Variants in PRDM10 observed in about 807,000 individuals in gnomAD.
PRDM10 encodes the protein PR/SET domain 10.
In PRDM10, 65 loss-of-function variants were observed where a neutral mutation model predicts 133.1. The ratio of observed to expected loss-of-function variants is 0.49; its 90% CI spans 0.40 to 0.60. The LOEUF is 0.60. Ranked by LOEUF, PRDM10 falls within the 20% of genes least tolerant of loss-of-function variation. PRDM10 has a pLI of 0.00. For synonymous variants in PRDM10, 582 were observed against 580.4 expected (o/e 1.00, Z -0.04); for missense variants, 1,137 against 1,507.1 (o/e 0.75, Z 4.07).
chr11:129,994,465 CAAA>C (rs1187507792), intron 1 of PRDM10, among the ~76,000 whole-genome samples: 8 of 79,506 alleles, frequency 1.0e-4, no homozygotes, highest in Admixed American at 1.5e-4. Context: ...AACTCTGCCT[CAAA>C]AAAAAAAAAA....
At chr11:129,922,204 G>A (rs1950541083) in intron 13 of PRDM10, among the ~76,000 whole-genome samples, 2 of 152,282 alleles carry the variant, frequency 1.3e-5, no homozygotes, top group South Asian at 4.1e-4. Flanking sequence ...GAAAATGAAA[G>A]CAAGCAAAGA....
intron 14 of PRDM10, among the ~76,000 whole-genome samples, chr11:129,917,441 A>G (rs1393523946): frequency 6.6e-6 from 1 of 152,258 alleles, no homozygotes; most frequent in Non-Finnish European, 1.5e-5. Flanking sequence ...GGAGTTAACA[A>G]TAATTCACCA....
intron 16 of PRDM10, 76 bp from the exon 17 acceptor site, chr11:129,915,094 C>A: frequency 7.0e-7 from 1 of 1,433,728 alleles, no homozygotes; most frequent in Non-Finnish European, 9.4e-7. Context: ...GTAAATCCTC[C>A]AAAGATTCCT....
intron 12 of PRDM10, among the ~76,000 whole-genome samples, chr11:129,924,505 C>T (rs1307250486): frequency 6.6e-6 from 1 of 152,140 alleles, no homozygotes; most frequent in Non-Finnish European, 1.5e-5. Context: ...TTAAAGCAAG[C>T]AGGAAACCAC....
chr11:129,904,758 C>A (rs537328219), intron 20 of PRDM10, among the ~76,000 whole-genome samples: 2 of 152,192 alleles, frequency 1.3e-5, no homozygotes, highest in Non-Finnish European at 2.9e-5. Context: ...CCTTGGCCCC[C>A]CAAAGTGTTG....
chr11:129,977,829 AC>A (rs1235577774), intron 1 of PRDM10, among the ~76,000 whole-genome samples: 1 of 152,056 alleles, frequency 6.6e-6, no homozygotes, highest in Non-Finnish European at 1.5e-5. Context: ...GGTGGTGTGC[AC>A]CTGTTGTCCC....
At chr11:129,964,129 G>A (rs1951857403) in intron 1 of PRDM10, among the ~76,000 whole-genome samples, 1 of 152,194 alleles carries the variant, frequency 6.6e-6, no homozygotes, top group South Asian at 2.1e-4. Flanking sequence ...AGGAATTTGA[G>A]TGGCTTGTTT....
chr11:129,995,424 G>A (rs1055858623), intron 1 of PRDM10, among the ~76,000 whole-genome samples: 2 of 152,108 alleles, frequency 1.3e-5, no homozygotes, highest in South Asian at 2.1e-4. Context: ...AAGACTAAAC[G>A]TAAACAAGTG....
rs191937043 is a variant in PRDM10 at position 129,931,494 on chromosome 11, G to C, written c.1288-236C>G. Among the ~76,000 whole-genome samples the C allele has an allele frequency of 2.4e-3, 360 of 152,122 alleles. 1 individual carries two copies. Among genetic ancestry groups the C allele is most frequent in the Non-Finnish European group, 3.9e-3 (266 of 67,986 alleles). On this transcript the variant is annotated intron_variant, in intron 10 of 20. Transcript: ENST00000360871. ...TTCTGGAATATCAATAATTTTAATT[G>C]TTTAAACTAATTAAACAAAGTCCAC... is the stretch of plus-strand genomic sequence containing the variant.
intron 1 of PRDM10, among the ~76,000 whole-genome samples, chr11:129,968,849 C>T (rs142961538): frequency 1.1e-4 from 17 of 152,268 alleles, no homozygotes; most frequent in African/African-American, 3.4e-4. Flanking sequence ...ATGCACCCAT[C>T]GACACTGCAA....
At chr11:129,978,219 C>T (rs942544818) in intron 1 of PRDM10, among the ~76,000 whole-genome samples, 43 of 152,076 alleles carry the variant, frequency 2.8e-4, no homozygotes, top group African/African-American at 1.0e-3. Context: ...TCACATTGAC[C>T]AGTTGTTTCA....
At chr11:129,949,171 T>C (rs1487642439) in intron 4 of PRDM10, among the ~76,000 whole-genome samples, 1 of 152,196 alleles carries the variant, frequency 6.6e-6, no homozygotes, top group African/African-American at 2.4e-5. Context: ...CCATCTTGCC[T>C]CTCCAACTGC....
chr11:129,930,904 T>C (rs1950831826), intron 11 of PRDM10, 112 bp downstream of exon 11: 1 of 1,417,564 alleles, frequency 7.1e-7, no homozygotes, highest in Non-Finnish European at 9.5e-7. Flanking sequence ...TGTGACAGGC[T>C]AGATGCAAGA....
intron 20 of PRDM10, among the ~76,000 whole-genome samples, chr11:129,905,363 G>GAAA (rs57268294): frequency 0.19 from 12,823 of 69,216 alleles, 1,172 homozygotes; most frequent in Non-Finnish European, 0.27. Flanking sequence ...CTCTGTCTCA[G>GAAA]AAAAAAAAAA....
chr11:129,930,980 G>T, intron 11 of PRDM10, 36 bp downstream of exon 11: 1 of 1,562,884 alleles, frequency 6.4e-7, no homozygotes, highest in Non-Finnish European at 8.6e-7. Context: ...GAAGATGAGC[G>T]GCTGGTGCCA....
intron 4 of PRDM10, among the ~76,000 whole-genome samples, chr11:129,951,767 A>G (rs1192356094): frequency 6.6e-6 from 1 of 152,166 alleles, no homozygotes; most frequent in Admixed American, 6.5e-5. Context: ...GTGGGGAGTC[A>G]CACATGTTCA....
chr11:130,001,752 A>G (rs1939395171), intron 1 of PRDM10, among the ~76,000 whole-genome samples: 1 of 152,082 alleles, frequency 6.6e-6, no homozygotes, highest in South Asian at 2.1e-4. Context: ...TGCTTAACAA[A>G]AGCTGGCGAG....
At chr11:129,980,011 C>T (rs904046165) in intron 1 of PRDM10, among the ~76,000 whole-genome samples, 3 of 152,196 alleles carry the variant, frequency 2.0e-5, no homozygotes, top group Non-Finnish European at 4.4e-5. Context: ...GATGCACTTT[C>T]CATGCACTAG....
intron 1 of PRDM10, among the ~76,000 whole-genome samples, chr11:130,002,102 C>G (rs1405864360): frequency 1.3e-5 from 2 of 150,962 alleles, no homozygotes; most frequent in African/African-American, 4.8e-5. Flanking sequence ...CGCAACCGGC[C>G]AGCCCCGGAG....
Sources: gnomAD v4.1 joint callset for allele counts (sites outside exome capture counted in the v4.1 genomes callset) on GRCh38, gnomAD v4.1.1 for gene constraint, MANE v1.5 for transcripts, NCBI Gene and HGNC (gene_info 2026-07-23, HGNC 2026-07-21) for gene names.